The following SYN1 variants were observed in gnomAD, a reference collection of about 807,000 sequenced individuals.
SYN1 encodes the protein synapsin-1.
Under a neutral mutation model 44.6 loss-of-function variants are expected in SYN1, and 8 were observed. The observed-to-expected ratio is 0.18, with a 90% CI of 0.11 to 0.32. SYN1 has a LOEUF of 0.32. Among genes scored for constraint, SYN1 ranks in the 10% least tolerant of loss-of-function variants. SYN1 has a pLI of 1.00. For missense variants in SYN1, 451 were observed against 639.4 expected (o/e 0.71, Z 3.18); for synonymous variants, 275 against 280.1 (o/e 0.98, Z 0.18).
chrX:47,575,588 C>T (rs776279739), intron 9 of SYN1, among the ~76,000 whole-genome samples: 3 of 112,344 alleles, frequency 2.7e-5, no homozygotes, highest in East Asian at 2.8e-4. Flanking sequence ...TTATAACATG[C>T]GAAAATGGCA....
chrX:47,604,052 C>T (rs946129944), intron 5 of SYN1, among the ~76,000 whole-genome samples: 15 of 108,481 alleles, frequency 1.4e-4, no homozygotes, highest in Non-Finnish European at 2.9e-4. Context: ...GGATTACAGG[C>T]ATGCACCACC....
At chrX:47,601,508 G>C (rs1231128731) in intron 5 of SYN1, among the ~76,000 whole-genome samples, 2 of 111,910 alleles carry the variant, frequency 1.8e-5, no homozygotes, top group African/African-American at 6.5e-5. Flanking sequence ...TGTAATCCTA[G>C]CATTTTGGTA....
chrX:47,589,442 A>G (rs2057840256), intron 5 of SYN1, among the ~76,000 whole-genome samples: 1 of 108,854 alleles, frequency 9.2e-6, no homozygotes, highest in Non-Finnish European at 1.9e-5. Context: ...AAATACCAAA[A>G]AAAAAAAAAA....
rs1282764614 is a variant in SYN1, at chrX:47,619,850, C to A, written c.-122G>T. The stretch of plus-strand genomic sequence containing the variant: ...ACGACACGACTCCTCCGCTGCCCAC[C>A]GCAGACTGAGGCAGCGCTGAGTCGC... On this transcript the variant is annotated 5_prime_UTR_variant, in exon 1 of 13. Coordinates refer to ENST00000295987, the MANE Select transcript of SYN1 (RefSeq NM_006950.3). The A allele has an allele frequency of 1.3e-6, 1 of 782,993 alleles. No homozygotes were observed. Among genetic ancestry groups the A allele is most frequent in the East Asian group, 3.9e-5 (1 of 25,885 alleles). 64.5% of individuals were successfully genotyped at this position (782,993 alleles called of 1,213,427 possible).
chrX:47,590,624 TG>T (rs766527710), intron 5 of SYN1, among the ~76,000 whole-genome samples: 1 of 111,276 alleles, frequency 9.0e-6, no homozygotes, highest in African/African-American at 3.3e-5. Flanking sequence ...CTCTGCGAGA[TG>T]GGGGGTGCAT....
At chrX:47,579,879 G>GCCCC (rs1303006850) in intron 5 of SYN1, among the ~76,000 whole-genome samples, 4 of 44,787 alleles carry the variant, frequency 8.9e-5, no homozygotes, top group African/African-American at 1.3e-4. Context: ...CCACCCCGCA[G>GCCCC]CAGAGCCATT....
rs374542614 is a variant in SYN1, at chrX:47,589,004, C to CA, written c.775-11504dup. 1.8e-3 allele frequency among the ~76,000 whole-genome samples: 196 copies of CA among 110,961 alleles called. 2 individuals are homozygous for CA. Among genetic ancestry groups the CA allele is most frequent in the African/African-American group, 6.3e-3 (193 of 30,519 alleles). On this transcript the variant is annotated intron_variant, in intron 5 of 12. Coordinates refer to ENST00000295987, the MANE Select transcript of SYN1 (RefSeq NM_006950.3). The stretch of plus-strand genomic sequence containing the variant: ...GCCCCTTGGATATTTTTGGGGGGGT[C>CA]AAAACACAGGAAATGGGACAGTCAT...
intron 1 of SYN1, among the ~76,000 whole-genome samples, chrX:47,615,759 G>T (rs761311697): frequency 2.4e-3 from 271 of 111,361 alleles, no homozygotes; most frequent in African/African-American, 8.3e-3. Flanking sequence ...ACAAAAATTA[G>T]CCAGGCATAG....
intron 5 of SYN1, chrX:47,586,717 C>A: frequency 2.5e-6 from 3 of 1,199,230 alleles, no homozygotes; most frequent in Non-Finnish European, 3.4e-6. Context: ...GAAGCTGAAG[C>A]CTGCACAGTG....
chrX:47,586,320 C>G (rs1413257951), intron 5 of SYN1: 1 of 752,728 alleles, frequency 1.3e-6, no homozygotes, highest in African/African-American at 2.3e-5. Flanking sequence ...CATTCCAGGA[C>G]ACTGATTTAC....
intron 5 of SYN1, among the ~76,000 whole-genome samples, chrX:47,604,064 C>A (rs186937972): frequency 1.5e-4 from 16 of 106,294 alleles, no homozygotes; most frequent in Non-Finnish European, 3.1e-4. Flanking sequence ...TGCACCACCA[C>A]GCCGGGCTAA....
chrX:47,574,751 A>T lies in SYN1; in HGVS notation c.1330T>A (p.Leu444Met). The T allele has an allele frequency of 8.4e-7, 1 of 1,188,936 alleles. No individual in the cohort carries two copies. The highest frequency in any genetic ancestry group is 1.1e-6 in the Non-Finnish European group (1 of 884,527). Residue 444 changes from leucine to methionine, a missense_variant, in exon 11 of 13, where the codon TTG becomes ATG. Physicochemically the swap from Leu to Met is conservative, Grantham distance 15 (BLOSUM62 2). Coordinates refer to ENST00000295987, the MANE Select transcript of SYN1 (RefSeq NM_006950.3). ...GGCTGCTGGGAGGTCTGGCGGCCCA[A>T]GGGCAGGGCCCCTGGGGACGGAGTC... ...GQTPSPGALP[L>M]GRQTSQQPAG...
At position 47,583,876 on chromosome X, in the gene SYN1, A is replaced by C. The variant is rs764447462; in HGVS notation, c.775-6375T>G. 2.7e-5 allele frequency among the ~76,000 whole-genome samples: 3 copies of C among 111,914 alleles called. No individual in the cohort carries two copies. In the East Asian group the frequency reaches 8.5e-4, roughly 32 times the overall value. ...ACTCCTGATCTCCTGTTAAACAGAA[A>C]AATATTCAGTGATACTTGTTATAAC... On this transcript the variant is annotated intron_variant, in intron 5 of 12. Transcript: ENST00000295987.
At chrX:47,605,903 T>C (rs1380391022) in intron 3 of SYN1, among the ~76,000 whole-genome samples, 1 of 107,588 alleles carries the variant, frequency 9.3e-6, no homozygotes, top group African/African-American at 3.4e-5. Flanking sequence ...ATTTTTTTCT[T>C]TTTTTTTTTT....
chrX:47,599,744 G>C (rs1222767858), intron 5 of SYN1, among the ~76,000 whole-genome samples: 2 of 112,075 alleles, frequency 1.8e-5, no homozygotes, highest in African/African-American at 6.5e-5. Flanking sequence ...CACTGCAGCC[G>C]CAAGTGCCAT....
intron 5 of SYN1, among the ~76,000 whole-genome samples, chrX:47,580,865 C>T (rs1205401499): frequency 3.7e-5 from 4 of 107,449 alleles, no homozygotes; most frequent in African/African-American, 1.0e-4. Context: ...ACCCCGGAGG[C>T]GGAGGTTGCA....
intron 5 of SYN1, among the ~76,000 whole-genome samples, chrX:47,592,539 T>A (rs2057851374): frequency 9.0e-6 from 1 of 110,765 alleles, no homozygotes; most frequent in African/African-American, 3.3e-5. Flanking sequence ...AGATATAAGT[T>A]TGTAGGTATA....
intron 5 of SYN1, among the ~76,000 whole-genome samples, chrX:47,592,598 G>A (rs2057851511): frequency 9.0e-6 from 1 of 111,036 alleles, no homozygotes; most frequent in Non-Finnish European, 1.9e-5. Flanking sequence ...ACGTGAGAAG[G>A]TGAACTGCCA....
chrX:47,599,308 G>C (rs2057873042), intron 5 of SYN1, among the ~76,000 whole-genome samples: 1 of 112,061 alleles, frequency 8.9e-6, no homozygotes, highest in Admixed American at 9.5e-5. Flanking sequence ...GTGCTCACTA[G>C]ATTTTATATA....
Sources: allele counts gnomAD v4.1 joint callset (sites outside exome capture counted in the v4.1 genomes callset), GRCh38; gene constraint gnomAD v4.1.1; transcripts MANE v1.5; gene names NCBI Gene and HGNC (gene_info 2026-07-23, HGNC 2026-07-21).